The following FCHSD2 variants were observed in gnomAD, a reference collection of about 807,000 sequenced individuals.
FCHSD2 encodes FCH and double SH3 domains 2, also known as F-BAR and double SH3 domains protein 2.
A neutral mutation model predicts 108.1 loss-of-function variants in FCHSD2; 38 were observed. The ratio of observed to expected loss-of-function variants is 0.35; its 90% confidence interval spans 0.27 to 0.46. The LOEUF (loss-of-function observed/expected upper bound fraction) is 0.46, where lower values mean the gene tolerates loss of function less well. Ranked by LOEUF, FCHSD2 falls within the 20% of genes least tolerant of loss-of-function variation. The pLI is 1.00. For synonymous variants in FCHSD2, 279 were observed against 314.7 expected, an observed-to-expected ratio of 0.89 and a Z score of 1.20; for missense variants, 751 against 897.8, an observed-to-expected ratio of 0.84 and a Z score of 2.09.
chr11:73,089,571 T>G (rs750728609), intron 2 of FCHSD2, among the ~76,000 whole-genome samples: 10 of 152,226 alleles, frequency 6.6e-5, no homozygotes, highest in Non-Finnish European at 7.3e-5. Context: ...CAAGATGTGG[T>G]ATATTTATAT....
chr11:72,903,924 T>C (rs1038243364), intron 9 of FCHSD2, among the ~76,000 whole-genome samples: 1 of 152,052 alleles, frequency 6.6e-6, no homozygotes, highest in African/African-American at 2.4e-5. Flanking sequence ...ATTGAGAGAG[T>C]TTACCAGGTC....
intron 3 of FCHSD2, among the ~76,000 whole-genome samples, chr11:73,080,685 T>C (rs1027241621): frequency 9.2e-5 from 14 of 152,274 alleles, no homozygotes; most frequent in African/African-American, 3.4e-4. Context: ...GGCTCACACC[T>C]GTAATCTCAG....
At chr11:73,053,894 A>G (rs1858960678) in intron 3 of FCHSD2, among the ~76,000 whole-genome samples, 2 of 152,186 alleles carry the variant, frequency 1.3e-5, no homozygotes, top group Non-Finnish European at 2.9e-5. Flanking sequence ...ATTGAAATGT[A>G]ACTTGTTGTC....
intron 2 of FCHSD2, among the ~76,000 whole-genome samples, chr11:73,126,339 T>TAA (rs61586562): frequency 0.074 from 2,014 of 27,212 alleles, 305 homozygotes; most frequent in Non-Finnish European, 0.12. Context: ...GATTCCATCT[T>TAA]AAAAAAAAAA....
At position 72,889,489 on chromosome 11, in the gene FCHSD2, T is replaced by C. The variant is rs574433509; in HGVS notation, c.1041+340A>G. Among the ~76,000 whole-genome samples the C allele has an allele frequency of 3.3e-5, 5 of 152,196 alleles. No individual in the cohort carries two copies. The South Asian group carries it at 1.0e-3, about 32-fold the overall frequency. On this transcript the variant is annotated intron_variant, in intron 11 of 19. Transcript: ENST00000409418. ...GAAAGTACAGAAAAAACACATATAA[T>C]GCTTGAGCAAAGGAGTTTGAGACCA...
At chr11:73,096,158 A>G (rs1860069211) in intron 2 of FCHSD2, among the ~76,000 whole-genome samples, 1 of 152,092 alleles carries the variant, frequency 6.6e-6, no homozygotes, top group Admixed American at 6.6e-5. Context: ...ATGGTAGCAG[A>G]AGGACACCCA....
At chr11:72,866,348 C>A (rs533699668) in intron 13 of FCHSD2, among the ~76,000 whole-genome samples, 15 of 152,248 alleles carry the variant, frequency 9.9e-5, no homozygotes, top group Non-Finnish European at 2.1e-4. Context: ...TGGCTCCCTG[C>A]AACCTCTGCC....
At chr11:72,907,643 C>T (rs1277587140) in intron 9 of FCHSD2, among the ~76,000 whole-genome samples, 2 of 109,510 alleles carry the variant, frequency 1.8e-5, no homozygotes, top group South Asian at 6.7e-4. Context: ...CTGGCTTTGT[C>T]TCCCAGGCAC....
chr11:73,000,567 T>C (rs1044392488), intron 5 of FCHSD2, among the ~76,000 whole-genome samples: 8 of 152,318 alleles, frequency 5.3e-5, no homozygotes, highest in Admixed American at 5.2e-4. Context: ...AGTCAAAATG[T>C]GTTAATTTCC....
rs143659400 is a variant in FCHSD2, at chr11:72,882,482, T to G, written c.1146+4988A>C. Among the ~76,000 whole-genome samples the G allele has an allele frequency of 3.8e-3, 583 of 152,276 alleles. 6 individuals carry two copies. The highest frequency in any genetic ancestry group is 0.013 in the African/African-American group (557 of 41,564). On this transcript the variant is annotated intron_variant, in intron 12 of 19. Transcript: ENST00000409418. ...AGATAGATGGGATAAGTTCTGGTGT[T>G]TGATAGCTTAGCAGGGTGACTAGTT...
intron 12 of FCHSD2, among the ~76,000 whole-genome samples, chr11:72,875,615 G>GAA (rs1854953229): frequency 6.6e-6 from 1 of 152,130 alleles, no homozygotes; most frequent in South Asian, 2.1e-4. Context: ...GGAATTAGAG[G>GAA]TGTCAGCCAC....
intron 8 of FCHSD2, among the ~76,000 whole-genome samples, chr11:72,924,118 A>T (rs1297377673): frequency 6.6e-6 from 1 of 151,706 alleles, no homozygotes; most frequent in Non-Finnish European, 1.5e-5. Flanking sequence ...TTACTTTTTT[A>T]AAAAAAGTGA....
At chr11:73,003,861 C>A (rs1857679593) in intron 4 of FCHSD2, among the ~76,000 whole-genome samples, 1 of 151,554 alleles carries the variant, frequency 6.6e-6, no homozygotes, top group Non-Finnish European at 1.5e-5. Context: ...AATCCCAGCA[C>A]TCTGGGAGGC....
At chr11:73,121,182 C>T (rs1162181207) in intron 2 of FCHSD2, among the ~76,000 whole-genome samples, 1 of 152,032 alleles carries the variant, frequency 6.6e-6, no homozygotes, top group East Asian at 1.9e-4. Context: ...CATACACACA[C>T]ACACACACAC....
intron 10 of FCHSD2, among the ~76,000 whole-genome samples, chr11:72,901,970 G>C (rs1394486428): frequency 2.6e-5 from 4 of 151,866 alleles, no homozygotes; most frequent in Non-Finnish European, 5.9e-5. Flanking sequence ...TGCCTCCCAG[G>C]TTCAAGTGAT....
rs758018486 is a variant in FCHSD2 at position 73,104,539 on chromosome 11, G to A, written c.120-20799C>T. ...GCCTCCCAAAGTGTTGGGATTACAG[G>A]AGTGAGCCACCACACCTGGCCAAAA... On this transcript the variant is annotated intron_variant, in intron 2 of 19. Transcript: ENST00000409418. Among the ~76,000 whole-genome samples, 142 of 151,674 alleles carry A rather than the reference G, an allele frequency of 9.4e-4. 1 individual carries two copies. Among genetic ancestry groups the A allele is most frequent in the Non-Finnish European group, 1.7e-3 (113 of 67,964 alleles).
rs114735374 is a variant in FCHSD2 at position 73,024,575 on chromosome 11, G to C, written c.166-8690C>G. Among the ~76,000 whole-genome samples, 468 of 152,120 alleles carry C rather than the reference G, an allele frequency of 3.1e-3. 1 individual carries two copies. Among genetic ancestry groups the C allele is most frequent in the African/African-American group, 0.011 (448 of 41,506 alleles). The stretch of plus-strand genomic sequence containing the variant: ...GAATGAATTACATGGGGGTAAATTA[G>C]AGTCACAGACATCAAGTTCAATATA... On this transcript the variant is annotated intron_variant, in intron 3 of 19. Coordinates refer to ENST00000409418, the MANE Select transcript of FCHSD2 (RefSeq NM_014824.3).
At chr11:72,940,546 C>A in intron 8 of FCHSD2, 1 of 1,043,598 alleles carries the variant, frequency 9.6e-7, no homozygotes, top group Non-Finnish European at 1.5e-6. Flanking sequence ...GAAGTAGTCT[C>A]ATGTCATGCG....
intron 3 of FCHSD2, among the ~76,000 whole-genome samples, chr11:73,057,095 A>G (rs966340348): frequency 2.4e-4 from 36 of 152,330 alleles, no homozygotes; most frequent in African/African-American, 8.7e-4. Flanking sequence ...AAACTAAAAA[A>G]TAAAATAAAA....
Sources: allele counts gnomAD v4.1 joint callset (sites outside exome capture counted in the v4.1 genomes callset), GRCh38; gene constraint gnomAD v4.1.1; transcripts MANE v1.5; gene names NCBI Gene and HGNC (gene_info 2026-07-23, HGNC 2026-07-21).